DNAH12: variants seen among roughly 807,000 people sequenced by gnomAD.
DNAH12 encodes dynein axonemal heavy chain 12.
In DNAH12, 285 loss-of-function variants were observed where a neutral mutation model predicts 371.5. That is an observed-to-expected ratio of 0.77 (90% CI 0.70 to 0.85). The LOEUF is 0.85. Among genes scored for constraint, DNAH12 ranks in the 40% least tolerant of loss-of-function variants. DNAH12 has a pLI of 0.00. For synonymous variants in DNAH12, 1,200 were observed against 1,213.0 expected (o/e 0.99, Z 0.22); for missense variants, 3,611 against 3,689.4 (o/e 0.98, Z 0.55).
At chr3:57,436,809 A>G in intron 30 of DNAH12, 142 bp downstream of exon 30, 1 of 557,038 alleles carries the variant, frequency 1.8e-6, no homozygotes, top group African/African-American at 2.0e-5. Context: ...TTTGCCTTTT[A>G]AGCCACTGGG....
At chr3:57,420,093 G>C (rs1045048636) in intron 36 of DNAH12, among the ~76,000 whole-genome samples, 1 of 152,144 alleles carries the variant, frequency 6.6e-6, no homozygotes, top group Non-Finnish European at 1.5e-5. Flanking sequence ...ATATATATCA[G>C]CATAGCTGTA....
intron 2 of DNAH12, among the ~76,000 whole-genome samples, chr3:57,534,508 C>T (rs1470157969): frequency 4.6e-5 from 5 of 108,840 alleles, no homozygotes; most frequent in African/African-American, 7.4e-5. Context: ...TGTTAGCTAG[C>T]TTTTTTTTTT....
Position 57,433,378 on chromosome 3 carries a change from C to T in DNAH12, c.4969G>A (p.Asp1657Asn). 1 of 1,549,356 alleles carries T rather than the reference C, an allele frequency of 6.5e-7. No homozygotes were observed. The highest frequency in any genetic ancestry group is 2.0e-5 in the Admixed American group (1 of 50,582). Reference protein sequence around the residue: ...WIESMNTVLDDNKKLCLMSGE... With the variant: ...WIESMNTVLDNNKKLCLMSGE... ...TGATCATGATTTACCTTTTTATTAT[C>T]ATCCAATACTGTGTTCATGCTCTCT... Residue 1657 changes from aspartate to asparagine, a missense_variant, in exon 32 of 74, where the codon GAT (aspartate) becomes AAT (asparagine). Transcript: ENST00000495027.
chr3:57,297,448 T>G (rs1037994252), intron 70 of DNAH12: 1 of 157,122 alleles, frequency 6.4e-6, no homozygotes, highest in East Asian at 1.9e-4. Flanking sequence ...CTCTGCCTCC[T>G]GGGTTCGAGT....
At chr3:57,500,911 A>T (rs1262900612) in intron 11 of DNAH12, among the ~76,000 whole-genome samples, 1 of 152,184 alleles carries the variant, frequency 6.6e-6, no homozygotes, top group Non-Finnish European at 1.5e-5. Flanking sequence ...ATGCACCACC[A>T]TACCTGGCTA....
chr3:57,413,896 C>A lies in DNAH12; in HGVS notation c.5870G>T (p.Arg1957Ile). The part of the protein sequence containing the change: ...ANQVQNIIMA[R>I]LDKRRKGVFG... Reference sequence around the variant, plus strand: ...GACTCCTTTGCGTCTTTTATCCAATCTAGCCATGATAATGTTCTAAAATAT... The same window carrying A: ...GACTCCTTTGCGTCTTTTATCCAATATAGCCATGATAATGTTCTAAAATAT... The change falls in exon 39 of 74, where the codon AGA (arginine) becomes ATA (isoleucine). Residue 1957 changes from arginine (R) to isoleucine (I), a missense_variant. Physicochemically the swap from Arg to Ile is moderately conservative, Grantham distance 97 (BLOSUM62 -3). Transcript: ENST00000495027. 6.4e-7 allele frequency: 1 copy of A among 1,550,552 alleles called. No individual in the cohort carries two copies.
intron 69 of DNAH12, among the ~76,000 whole-genome samples, chr3:57,308,364 C>T (rs540144003): frequency 1.1e-4 from 16 of 152,298 alleles, no homozygotes; most frequent in African/African-American, 3.1e-4. Context: ...TTTAAAAACA[C>T]ACCTCGCCAA....
intron 62 of DNAH12, among the ~76,000 whole-genome samples, chr3:57,332,159 C>CA (rs1191233329): frequency 6.6e-6 from 1 of 152,192 alleles, no homozygotes; most frequent in East Asian, 1.9e-4. Flanking sequence ...TAACATTACT[C>CA]AAAGTTTAAA....
At chr3:57,329,870 AAAAC>A (rs1390050384) in intron 62 of DNAH12, among the ~76,000 whole-genome samples, 3 of 152,226 alleles carry the variant, frequency 2.0e-5, no homozygotes, top group East Asian at 1.9e-4. Context: ...TTACAAGAAG[AAAAC>A]AAACAACCCC....
intron 69 of DNAH12, among the ~76,000 whole-genome samples, chr3:57,304,280 C>G (rs189721601): frequency 7.9e-5 from 12 of 152,296 alleles, no homozygotes; most frequent in African/African-American, 2.6e-4. Context: ...TGCCATGACT[C>G]GGATCGGGGG....
chr3:57,385,850 C>T (rs2063490602), intron 47 of DNAH12, among the ~76,000 whole-genome samples: 1 of 152,074 alleles, frequency 6.6e-6, no homozygotes, highest in South Asian at 2.1e-4. Flanking sequence ...CATTGCAATC[C>T]AGCCTGGGTG....
chr3:57,551,689 T>C, the DNAH12 span, among the ~76,000 whole-genome samples: 7 of 152,136 alleles, frequency 4.6e-5, no homozygotes, highest in African/African-American at 1.7e-4. Flanking sequence ...TTGTTTTATA[T>C]CAGTATTTGC....
intron 4 of DNAH12, among the ~76,000 whole-genome samples, chr3:57,519,183 C>A (rs530775051): frequency 6.6e-6 from 1 of 152,160 alleles, no homozygotes; most frequent in Non-Finnish European, 1.5e-5. Flanking sequence ...GCTTATTTGC[C>A]ATCCGTGTAT....
Position 57,471,560 on chromosome 3 carries a change from T to C in DNAH12, c.1823A>G (p.Lys608Arg), listed in dbSNP as rs1263788519. The part of the protein sequence containing the change: ...KHKKENELMA[K>R]REKLILEIEK... The stretch of plus-strand genomic sequence containing the variant: ...TATTTCCAAAATAAGTTTCTCTCTC[T>C]TGGCCATTAGTTCATTTTCTTTTTT... The change falls in exon 15 of 74, where the codon AAG becomes AGG. Residue 608 changes from lysine to arginine, a missense_variant. By Grantham distance (26) the Lys-to-Arg change is conservative (BLOSUM62 2). This residue lies in a region of DNAH12 where 1,314 missense variants were observed against 1,398.7 expected (regional missense o/e 0.94). Transcript: ENST00000495027. 2 of 1,548,094 alleles carry C rather than the reference T, an allele frequency of 1.3e-6. No individual in the cohort carries two copies. Among genetic ancestry groups the C allele is most frequent in the African/African-American group, 2.7e-5 (2 of 72,852 alleles).
intron 4 of DNAH12, among the ~76,000 whole-genome samples, chr3:57,516,429 C>A (rs2068199508): frequency 6.6e-6 from 1 of 152,124 alleles, no homozygotes; most frequent in Admixed American, 6.5e-5. Flanking sequence ...AATGGGCTGA[C>A]CTCTGTCTAG....
intron 43 of DNAH12, chr3:57,402,337 C>A: frequency 8.3e-7 from 1 of 1,207,748 alleles, no homozygotes; most frequent in African/African-American, 1.6e-5. Flanking sequence ...TGTATCATCT[C>A]TCTGTTGGGG....
chr3:57,309,380 G>T, intron 68 of DNAH12, 126 bp from the exon 69 acceptor site: 1 of 784,036 alleles, frequency 1.3e-6, no homozygotes, highest in Non-Finnish European at 2.0e-6. Flanking sequence ...GTACAGTAAT[G>T]TATATAAGTC....
intron 60 of DNAH12, among the ~76,000 whole-genome samples, chr3:57,350,891 A>C (rs1038263781): frequency 6.6e-6 from 1 of 152,246 alleles, no homozygotes; most frequent in Non-Finnish European, 1.5e-5. Context: ...GTTCAACTTC[A>C]TTAGTCATCA....
chr3:57,367,085 T>C (rs2063067293), intron 56 of DNAH12, among the ~76,000 whole-genome samples, 164 bp from the exon 57 acceptor site: 1 of 152,168 alleles, frequency 6.6e-6, no homozygotes, highest in Non-Finnish European at 1.5e-5. Flanking sequence ...ACCAACACTT[T>C]GGGAGGCCAA....
Sources: allele counts gnomAD v4.1 joint callset (sites outside exome capture counted in the v4.1 genomes callset), GRCh38; gene constraint gnomAD v4.1.1; regional missense constraint gnomAD v4.1.1; transcripts MANE v1.5; gene names NCBI Gene and HGNC (gene_info 2026-07-23, HGNC 2026-07-21).